CADM4: variants seen among roughly 807,000 people sequenced by gnomAD.
CADM4 encodes the protein cell adhesion molecule 4.
CADM4 carries 13 observed loss-of-function variants against 43.9 expected under a neutral mutation model. That is an observed-to-expected ratio of 0.30 (90% confidence interval 0.19 to 0.47). CADM4 has a LOEUF of 0.47. Ranked by LOEUF, CADM4 falls within the 20% of genes least tolerant of loss-of-function variation. The probability of loss-of-function intolerance (pLI) is 1.00; values close to 1 mark genes in which losing one functional copy is unlikely to be tolerated. For missense variants in CADM4, 420 were observed against 527.0 expected, an observed-to-expected ratio of 0.80 and a Z score of 1.99; for synonymous variants, 209 against 220.9, an observed-to-expected ratio of 0.95 and a Z score of 0.48.
At chr19:43,641,081 G>A (rs2065635448), upstream of CADM4, among the ~76,000 whole-genome samples, 1 of 150,282 alleles carries the variant, frequency 6.7e-6, no homozygotes, top group South Asian at 2.1e-4. Flanking sequence ...TGATTCTCCT[G>A]CCTCAGCCTC....
At position 43,626,780 on chromosome 19, in the gene CADM4, G is replaced by A; in HGVS notation, c.499+4C>T. The A allele has an allele frequency of 1.3e-6, 2 of 1,578,034 alleles. No individual in the cohort carries two copies. Among genetic ancestry groups the A allele is most frequent in the South Asian group, 2.3e-5 (2 of 87,628 alleles). ...ATCCCTTGTCAGCACTCGGCCCAGG[G>A]TACCTTTCAGCTCCTTGCGGTCCCG... On this transcript the variant is annotated splice_donor_region_variant and intron_variant, in intron 4 of 8. Coordinates refer to ENST00000222374, the MANE Select transcript of CADM4 (RefSeq NM_145296.2). This position sits in a 1 kb window ranked among gnomAD's most constrained non-coding sequence, Gnocchi z 5.9.
chr19:43,623,279 T>G lies in CADM4; in HGVS notation c.*51A>C. On this transcript the variant is annotated 3_prime_UTR_variant, in exon 9 of 9. Transcript: ENST00000222374. The surrounding 1 kb of genome is among the most constrained non-coding windows in gnomAD (Gnocchi z 4.4). The stretch of plus-strand genomic sequence containing the variant: ...TTTGCTGGTTCCTTGCAGCTGGCAG[T>G]GGGGGGGACCCCAGCCCAGGCCCAG... 3 of 1,355,778 alleles carry G rather than the reference T, an allele frequency of 2.2e-6. No individual in the cohort carries two copies. Among genetic ancestry groups the G allele is most frequent in the Non-Finnish European group, 3.2e-6 (3 of 949,100 alleles). 84.0% of individuals were successfully genotyped at this position (1,355,778 alleles called of 1,614,324 possible).
chr19:43,635,899 C>T (rs1423562131), intron 1 of CADM4, among the ~76,000 whole-genome samples: 1 of 143,088 alleles, frequency 7.0e-6, no homozygotes, highest in East Asian at 2.1e-4. Flanking sequence ...AAGACCCCAG[C>T]CCCCTCCTCC....
chr19:43,634,120 C>T (rs986676141), intron 1 of CADM4, among the ~76,000 whole-genome samples: 3 of 152,160 alleles, frequency 2.0e-5, no homozygotes, highest in Non-Finnish European at 4.4e-5. Flanking sequence ...CCTTACCTTT[C>T]GGAGCCTCAG....
At chr19:43,628,555 T>C (rs1289630886) in intron 1 of CADM4, among the ~76,000 whole-genome samples, 1 of 152,248 alleles carries the variant, frequency 6.6e-6, no homozygotes, top group Non-Finnish European at 1.5e-5. Context: ...TTTGCAAAGA[T>C]AGCCGTAATA....
At chr19:43,631,368 T>G (rs1056767871) in intron 1 of CADM4, among the ~76,000 whole-genome samples, 1 of 150,434 alleles carries the variant, frequency 6.6e-6, no homozygotes, top group South Asian at 2.1e-4. Flanking sequence ...AAGAAATAAA[T>G]AAAAGAAAGT....
chr19:43,638,549 A>C (rs1190109800), intron 1 of CADM4, among the ~76,000 whole-genome samples: 1 of 152,212 alleles, frequency 6.6e-6, no homozygotes, highest in African/African-American at 2.4e-5. Flanking sequence ...TGGCAGGTTC[A>C]AGACTTACAC....
intron 1 of CADM4, among the ~76,000 whole-genome samples, chr19:43,629,999 C>T (rs961634757): frequency 6.6e-6 from 1 of 151,924 alleles, no homozygotes; most frequent in African/African-American, 2.4e-5. Flanking sequence ...ATGTCTGCCT[C>T]CCAGGCTCGA....
chr19:43,626,946 G>A lies in CADM4; in HGVS notation c.365-28C>T. On this transcript the variant is annotated intron_variant, in intron 3 of 8. Transcript: ENST00000222374. The surrounding 1 kb of genome is among the most constrained non-coding windows in gnomAD (Gnocchi z 5.9). ...GCCGCAGGGAGAAGGGAAGTAAGGGGTTAAAGAAGGCACGAACGTGGGCTC... is the reference window on the plus strand; with the variant it reads ...GCCGCAGGGAGAAGGGAAGTAAGGGATTAAAGAAGGCACGAACGTGGGCTC... 1 of 1,557,786 alleles carries A rather than the reference G, an allele frequency of 6.4e-7. No homozygotes were observed. Among genetic ancestry groups the A allele is most frequent in the Non-Finnish European group, 8.7e-7 (1 of 1,151,084 alleles).
At position 43,626,225 on chromosome 19, in the gene CADM4, A is replaced by G. The variant is rs1210100824; in HGVS notation, c.563T>C (p.Val188Ala). 6.2e-7 allele frequency: 1 copy of G among 1,613,464 alleles called. No individual in the cohort carries two copies. The highest frequency in any genetic ancestry group is 2.2e-5 in the East Asian group (1 of 44,878). Residue 188 changes from valine to alanine, a missense_variant, in exon 5 of 9, where the codon GTG (valine) becomes GCG (alanine). By Grantham distance (64) the Val-to-Ala change is moderately conservative. Transcript: ENST00000222374. The surrounding 1 kb of genome is among the most constrained non-coding windows in gnomAD (Gnocchi z 5.9). Reference sequence around the variant, plus strand: ...GATACCACCGTCGTCCTTACGGTCCACACGAAACCGTACTGTGCTTGCCAC... The same window carrying G: ...GATACCACCGTCGTCCTTACGGTCCGCACGAAACCGTACTGTGCTTGCCAC... ...WSVASTVRFR[V>A]DRKDDGGIII...
At chr19:43,640,911 C>A (rs1419089132), upstream of CADM4, among the ~76,000 whole-genome samples, 1 of 152,094 alleles carries the variant, frequency 6.6e-6, no homozygotes, top group Admixed American at 6.5e-5. Flanking sequence ...CTCTCTCATG[C>A]CCATTTGTCA....
intron 1 of CADM4, among the ~76,000 whole-genome samples, chr19:43,635,994 A>G (rs1973698894): frequency 2.2e-5 from 3 of 139,056 alleles, no homozygotes. Context: ...CTTTAGACCC[A>G]TTAGTCCAGG....
At chr19:43,629,378 TA>T (rs1323323831) in intron 1 of CADM4, among the ~76,000 whole-genome samples, 1 of 152,180 alleles carries the variant, frequency 6.6e-6, no homozygotes, top group Non-Finnish European at 1.5e-5. Flanking sequence ...CTACCCTGAT[TA>T]ATCCATCAGA....
Position 43,626,740 on chromosome 19 carries a change from T to C in CADM4, c.499+44A>G. On this transcript the variant is annotated intron_variant, in intron 4 of 8. Transcript: ENST00000222374. The surrounding 1 kb of genome is among the most constrained non-coding windows in gnomAD (Gnocchi z 5.9). Reference sequence around the variant, plus strand: ...CCACATATAAACAACCTCTCCTAAGTCCCACCTCCTCCCCATCCCTTGTCA... The same window carrying C: ...CCACATATAAACAACCTCTCCTAAGCCCCACCTCCTCCCCATCCCTTGTCA... 6.6e-7 allele frequency: 1 copy of C among 1,523,382 alleles called. No homozygotes were observed. Among genetic ancestry groups the C allele is most frequent in the Non-Finnish European group, 8.8e-7 (1 of 1,132,940 alleles). The allele number at this position is 1,523,382 out of a possible 1,614,324, so 94.4% of individuals were successfully genotyped here. A position where few individuals can be genotyped will look rare whatever the true frequency, so the allele number is the denominator to read the frequency against.
rs1973542622 is a variant in CADM4, at chr19:43,627,148, C to A, written c.364+18G>T. 3.2e-6 allele frequency: 5 copies of A among 1,547,936 alleles called. No homozygotes were observed. Among genetic ancestry groups the A allele is most frequent in the Non-Finnish European group, 4.4e-6 (5 of 1,143,178 alleles). On this transcript the variant is annotated intron_variant, in intron 3 of 8. Coordinates refer to ENST00000222374, the MANE Select transcript of CADM4 (RefSeq NM_145296.2). This position sits in a 1 kb window ranked among gnomAD's most constrained non-coding sequence, Gnocchi z 4.0. ...AGAAAGGAGGAGAGGATGCGTCTGA[C>A]AAGGGGGAGGGCGTTACCTAGTACC...
intron 1 of CADM4, among the ~76,000 whole-genome samples, chr19:43,636,374 A>G (rs1444975844): frequency 1.3e-5 from 2 of 151,992 alleles, no homozygotes; most frequent in Non-Finnish European, 1.5e-5. Context: ...GCAGGCCTGC[A>G]CTGAGCTCCC....
At chr19:43,632,101 G>C (rs899261215) in intron 1 of CADM4, among the ~76,000 whole-genome samples, 10 of 152,080 alleles carry the variant, frequency 6.6e-5, no homozygotes, top group African/African-American at 2.4e-4. Flanking sequence ...CCTTGCCCCA[G>C]ATATTTTCCT....
chr19:43,636,046 C>G (rs975690567), intron 1 of CADM4, among the ~76,000 whole-genome samples: 3 of 149,956 alleles, frequency 2.0e-5, no homozygotes, highest in Non-Finnish European at 3.0e-5. Flanking sequence ...TCCAGGCCCC[C>G]AGCCCCTCCT....
intron 1 of CADM4, among the ~76,000 whole-genome samples, chr19:43,631,280 G>T (rs890953766): frequency 2.0e-5 from 3 of 151,936 alleles, no homozygotes; most frequent in African/African-American, 7.3e-5. Flanking sequence ...GGCAGAGGTT[G>T]CAGTGAGCCA....
Sources: allele counts gnomAD v4.1 joint callset (sites outside exome capture counted in the v4.1 genomes callset), GRCh38; gene constraint gnomAD v4.1.1; non-coding constraint Gnocchi (gnomAD v3.1); transcripts MANE v1.5; gene names NCBI Gene and HGNC (gene_info 2026-07-23, HGNC 2026-07-21).